The following MYO16 variants were observed in gnomAD, a reference collection of about 807,000 sequenced individuals.
The protein encoded by MYO16 is myosin XVI, also known as unconventional myosin-XVI.
MYO16 carries 94 observed loss-of-function variants against 205.3 expected under a neutral mutation model. The observed-to-expected ratio is 0.46, with a 90% CI of 0.39 to 0.54. The LOEUF is 0.54. MYO16 is among the 20% of genes least tolerant of loss of function. The probability of loss-of-function intolerance (pLI) is 0.00; values close to 1 mark genes in which losing one functional copy is unlikely to be tolerated. For synonymous variants in MYO16, 988 were observed against 954.0 expected (o/e 1.04, Z -0.66); for missense variants, 2,315 against 2,387.5 (o/e 0.97, Z 0.63).
chr13:108,943,847 A>T (rs551377540), intron 16 of MYO16, among the ~76,000 whole-genome samples: 75 of 152,250 alleles, frequency 4.9e-4, no homozygotes, highest in Admixed American at 4.8e-3. Flanking sequence ...GGCCTCCCAG[A>T]GTGCTGGGAT....
chr13:108,849,655 GTGTGTGTGTGTA>G, intron 10 of MYO16, among the ~76,000 whole-genome samples: 1 of 128,480 alleles, frequency 7.8e-6, no homozygotes, highest in African/African-American at 3.0e-5. Flanking sequence ...GTGTGTGTGT[GTGTGTGTGTGTA>G]ACTTATCCAT....
At chr13:108,969,400 T>C (rs1186801135) in intron 20 of MYO16, among the ~76,000 whole-genome samples, 3 of 152,230 alleles carry the variant, frequency 2.0e-5, no homozygotes, top group East Asian at 1.9e-4. Context: ...TTTAAACCAT[T>C]TGGAGAACCC....
chr13:109,180,908 G>A (rs1466248509), intron 34 of MYO16, among the ~76,000 whole-genome samples: 2 of 152,150 alleles, frequency 1.3e-5, no homozygotes, highest in African/African-American at 4.8e-5. Flanking sequence ...TTTGATTTTT[G>A]TATTGGAGGC....
intron 4 of MYO16, among the ~76,000 whole-genome samples, chr13:108,741,689 G>A (rs1200814344): frequency 6.6e-6 from 1 of 152,120 alleles, no homozygotes; most frequent in Non-Finnish European, 1.5e-5. Context: ...AAGTAAATCT[G>A]CAAATATGGA....
At chr13:108,521,134 T>A in the MYO16 span, among the ~76,000 whole-genome samples, 1 of 152,260 alleles carries the variant, frequency 6.6e-6, no homozygotes, top group Non-Finnish European at 1.5e-5. Context: ...GCACAAGCTA[T>A]ATTCTCCAAC....
chr13:109,161,600 G>A (rs1007664511), intron 32 of MYO16, among the ~76,000 whole-genome samples: 1 of 152,172 alleles, frequency 6.6e-6, no homozygotes, highest in African/African-American at 2.4e-5. Context: ...AGCAATGTGA[G>A]GAAGTATCAT....
At chr13:109,088,595 C>A (rs1003937882) in intron 27 of MYO16, among the ~76,000 whole-genome samples, 1 of 152,008 alleles carries the variant, frequency 6.6e-6, no homozygotes, top group African/African-American at 2.4e-5. Flanking sequence ...GGAGGAGAGA[C>A]CCCCTGGCTT....
At chr13:109,136,393 G>T (rs1041573701) in intron 31 of MYO16, among the ~76,000 whole-genome samples, 1 of 152,124 alleles carries the variant, frequency 6.6e-6, no homozygotes, top group Non-Finnish European at 1.5e-5. Flanking sequence ...GTGCCTGCCT[G>T]GAAGTCATTT....
At chr13:109,081,394 A>G (rs974215348) in intron 27 of MYO16, among the ~76,000 whole-genome samples, 1 of 152,202 alleles carries the variant, frequency 6.6e-6, no homozygotes, top group Admixed American at 6.5e-5. Context: ...TGAGTCCCAC[A>G]AACTACCTGA....
chr13:109,188,787 TC>T (rs1879790629), intron 34 of MYO16, among the ~76,000 whole-genome samples: 1 of 152,100 alleles, frequency 6.6e-6, no homozygotes, highest in Non-Finnish European at 1.5e-5. Flanking sequence ...GAAGTTGGAA[TC>T]CAATGTTCAA....
intron 21 of MYO16, among the ~76,000 whole-genome samples, chr13:109,006,342 C>T (rs1018743240): frequency 2.0e-5 from 3 of 152,140 alleles, no homozygotes; most frequent in East Asian, 3.9e-4. Flanking sequence ...CAGGTTCAAG[C>T]GATTCTCCTG....
chr13:108,554,873 A>G, the MYO16 span, among the ~76,000 whole-genome samples: 7 of 140,510 alleles, frequency 5.0e-5, no homozygotes, highest in Non-Finnish European at 1.1e-4. Context: ...AAAAAAAAAA[A>G]GAAAGAAAAT....
At chr13:108,721,726 C>G (rs777922637) in intron 3 of MYO16, among the ~76,000 whole-genome samples, 1 of 151,856 alleles carries the variant, frequency 6.6e-6, no homozygotes, top group Non-Finnish European at 1.5e-5. Context: ...AGAAGATATC[C>G]AAGCTTTTTT....
At chr13:108,766,198 T>C (rs1268164980) in intron 4 of MYO16, among the ~76,000 whole-genome samples, 2 of 151,202 alleles carry the variant, frequency 1.3e-5, no homozygotes, top group Admixed American at 6.6e-5. Flanking sequence ...AAGTCTCTGT[T>C]GGAGACCAGA....
chr13:108,962,074 T>TA (rs1284593541), intron 18 of MYO16, among the ~76,000 whole-genome samples: 74 of 152,172 alleles, frequency 4.9e-4, no homozygotes, highest in Non-Finnish European at 1.3e-4. Flanking sequence ...CCCAGATTTT[T>TA]AAAAAATACC....
chr13:108,764,098 G>C (rs773727328), intron 4 of MYO16, among the ~76,000 whole-genome samples: 9 of 152,192 alleles, frequency 5.9e-5, no homozygotes, highest in Admixed American at 2.0e-4. Flanking sequence ...CCAGCACAGA[G>C]ACACAAACTC....
intron 9 of MYO16, among the ~76,000 whole-genome samples, chr13:108,827,435 G>T (rs1353247441): frequency 6.6e-6 from 1 of 152,122 alleles, no homozygotes; most frequent in Non-Finnish European, 1.5e-5. Context: ...ACTATGGCCT[G>T]CTGTCAGTAA....
the MYO16 span, among the ~76,000 whole-genome samples, chr13:108,508,471 G>A: frequency 1.3e-5 from 2 of 151,322 alleles, no homozygotes; most frequent in Non-Finnish European, 2.9e-5. Context: ...TATCTTTGTT[G>A]CTGCTTCAGC....
At chr13:108,775,124 C>A (rs986149386) in intron 4 of MYO16, among the ~76,000 whole-genome samples, 1 of 152,184 alleles carries the variant, frequency 6.6e-6, no homozygotes, top group Non-Finnish European at 1.5e-5. Flanking sequence ...CAAATACACA[C>A]ACCAATACAT....
Sources: gnomAD v4.1 joint callset for allele counts (sites outside exome capture counted in the v4.1 genomes callset) on GRCh38, gnomAD v4.1.1 for gene constraint, MANE v1.5 for transcripts, NCBI Gene and HGNC (gene_info 2026-07-23, HGNC 2026-07-21) for gene names.